The following IRGM variants were observed in gnomAD, a reference collection of about 807,000 sequenced individuals.
IRGM encodes the protein immunity related GTPase M.
For synonymous variants in IRGM, 98 were observed against 80.6 expected (o/e 1.22, Z -1.16); for missense variants, 288 against 219.9 (o/e 1.31, Z -1.96).
chr5:150,876,003 C>A (rs1754357457), intron 1 of IRGM, among the ~76,000 whole-genome samples: 1 of 152,238 alleles, frequency 6.6e-6, no homozygotes, highest in South Asian at 2.1e-4. Context: ...CATCCACCAT[C>A]ATGGTGTTCC....
chr5:150,894,181 C>A (rs1754669483), intron 3 of IRGM, among the ~76,000 whole-genome samples: 1 of 152,020 alleles, frequency 6.6e-6, no homozygotes, highest in Non-Finnish European at 1.5e-5. Flanking sequence ...AGTATGCTCT[C>A]CTGCAGGTCA....
chr5:150,864,874 TA>T (rs149296481), intron 1 of IRGM, among the ~76,000 whole-genome samples: 4,336 of 152,256 alleles, frequency 0.028, 151 homozygotes, highest in South Asian at 0.075. Context: ...GTCAGGGAGA[TA>T]AAAATGTAGC....
At chr5:150,851,016 T>A (rs1306947930), downstream of IRGM, among the ~76,000 whole-genome samples, 1 of 152,172 alleles carries the variant, frequency 6.6e-6, no homozygotes, top group Non-Finnish European at 1.5e-5. Context: ...TTTGGAAATG[T>A]TAGTTTTGGT....
intron 1 of IRGM, among the ~76,000 whole-genome samples, chr5:150,876,034 A>T (rs1196875498): frequency 6.6e-6 from 1 of 152,154 alleles, no homozygotes; most frequent in African/African-American, 2.4e-5. Flanking sequence ...GCCTCTGACC[A>T]CGGCACTCAC....
chr5:150,890,041 A>G (rs1324119051), intron 3 of IRGM, among the ~76,000 whole-genome samples: 3 of 151,996 alleles, frequency 2.0e-5, no homozygotes, highest in Non-Finnish European at 4.4e-5. Context: ...TGAATTGGGA[A>G]CTATCCCTTC....
chr5:150,847,581 A>G lies in IRGM; in HGVS notation c.-415-128A>G, dbSNP rs573286984. On this transcript the variant is annotated intron_variant, in intron 1 of 1. Transcript: ENST00000522154. The stretch of plus-strand genomic sequence containing the variant: ...AAGAAATGTGCACATTGCTTGAATA[A>G]AAACAATCAAAGAACACTCAGTCAA... 2.1e-4 allele frequency: 33 copies of G among 154,216 alleles called. 1 individual carries two copies. Among genetic ancestry groups the G allele is most frequent in the Non-Finnish European group, 4.3e-4 (30 of 69,340 alleles). 9.6% of individuals were successfully genotyped at this position (154,216 alleles called of 1,614,324 possible). A position where few individuals can be genotyped will look rare whatever the true frequency, so the allele number is the denominator to read the frequency against.
Position 150,877,169 on chromosome 5 carries a change from T to C in IRGM, c.159-811T>C, listed in dbSNP as rs77443530. ...AAGTTGACAAGGGGAGGACTTGTGA[T>C]GGTTAATATTGCCAACTTGATTGGA... On this transcript the variant is annotated intron_variant and NMD_transcript_variant, in intron 1 of 3. Transcript: ENST00000520549. 5.0e-3 allele frequency among the ~76,000 whole-genome samples: 755 copies of C among 152,300 alleles called. 7 individuals are homozygous for C. The highest frequency in any genetic ancestry group is 0.017 in the African/African-American group (709 of 41,558).
At chr5:150,850,230 T>A (rs1561739679), downstream of IRGM, among the ~76,000 whole-genome samples, 1 of 152,154 alleles carries the variant, frequency 6.6e-6, no homozygotes, top group Non-Finnish European at 1.5e-5. Flanking sequence ...ATACGTAATT[T>A]AAAAAAATAT....
chr5:150,883,518 A>G (rs75720180), intron 3 of IRGM, among the ~76,000 whole-genome samples: 5,833 of 152,080 alleles, frequency 0.038, 179 homozygotes, highest in East Asian at 0.16. Flanking sequence ...ACTAAGAAAA[A>G]AAGCAAGAAG....
intron 3 of IRGM, chr5:150,896,826 A>G (rs759919093): frequency 6.2e-7 from 1 of 1,613,740 alleles, no homozygotes; most frequent in South Asian, 1.1e-5. Flanking sequence ...TTGATTCTCT[A>G]GAAATCTCTG....
At chr5:150,858,813 G>C (rs141428098) in intron 1 of IRGM, among the ~76,000 whole-genome samples, 1 of 152,152 alleles carries the variant, frequency 6.6e-6, no homozygotes. Flanking sequence ...TTATCAGCTT[G>C]AGGAGATTTT....
At chr5:150,898,617 C>T (rs80187235) in intron 3 of IRGM, 68,063 of 1,496,738 alleles carry the variant, frequency 0.045, 1,972 homozygotes, top group East Asian at 0.15. Flanking sequence ...CTATAATGTG[C>T]ACAACTACAT....
At chr5:150,887,150 G>C (rs1020758838) in intron 3 of IRGM, among the ~76,000 whole-genome samples, 9 of 151,906 alleles carry the variant, frequency 5.9e-5, no homozygotes, top group African/African-American at 1.9e-4. Context: ...AGATCATGAA[G>C]ATTCAGGAGA....
chr5:150,899,353 T>G (rs1754912638), intron 3 of IRGM, among the ~76,000 whole-genome samples: 1 of 152,006 alleles, frequency 6.6e-6, no homozygotes, highest in African/African-American at 2.4e-5. Context: ...AGTAACAAAA[T>G]AAGACACAGG....
chr5:150,859,443 A>T (rs1754104771), intron 1 of IRGM, among the ~76,000 whole-genome samples: 1 of 152,202 alleles, frequency 6.6e-6, no homozygotes, highest in Admixed American at 6.5e-5. Context: ...TGGCCTCATA[A>T]AATGAGTTAG....
chr5:150,865,453 A>G (rs925530279), intron 1 of IRGM, among the ~76,000 whole-genome samples: 4 of 152,232 alleles, frequency 2.6e-5, no homozygotes, highest in African/African-American at 9.6e-5. Flanking sequence ...TTTAAAAACT[A>G]TATGCTTATA....
intron 3 of IRGM, chr5:150,895,972 G>A (rs1378238305): frequency 6.2e-7 from 1 of 1,613,352 alleles, no homozygotes; most frequent in Non-Finnish European, 8.5e-7. Context: ...ATAATGAGGT[G>A]GGACTTCTCA....
chr5:150,887,861 T>C (rs1754550049), intron 3 of IRGM, among the ~76,000 whole-genome samples: 1 of 151,948 alleles, frequency 6.6e-6, no homozygotes, highest in African/African-American at 2.4e-5. Context: ...CAAAGCACTC[T>C]TAAATACAGA....
In IRGM at chr5:150,847,970, A is replaced by AT. The variant is rs1481355643; in HGVS notation, c.-147dup. The AT allele has an allele frequency of 3.0e-5, 19 of 627,356 alleles. No homozygotes were observed. Among genetic ancestry groups the AT allele is most frequent in the African/African-American group, 3.7e-5 (2 of 54,248 alleles). The allele number at this position is 627,356 out of a possible 1,614,324, so 38.9% of individuals were successfully genotyped here. On this transcript the variant is annotated 5_prime_UTR_variant, in exon 2 of 2. An upstream open reading frame in the 5' UTR loses its in-frame stop. Transcript: ENST00000522154. Reference sequence around the variant, plus strand: ...AGGCGCACACCACCACGCGCAGCTAATTTTTTTGTATTTTAGTAGAGAAGG... The same window carrying AT: ...AGGCGCACACCACCACGCGCAGCTAATTTTTTTTGTATTTTAGTAGAGAAGG...
Sources: gnomAD v4.1 joint callset for allele counts (sites outside exome capture counted in the v4.1 genomes callset) on GRCh38, gnomAD v4.1.1 for gene constraint, MANE v1.5 for transcripts, NCBI Gene and HGNC (gene_info 2026-07-23, HGNC 2026-07-21) for gene names.